Variants in PPP6R3 observed in about 807,000 individuals in gnomAD.
PPP6R3 encodes protein phosphatase 6 regulatory subunit 3.
A neutral mutation model predicts 110.7 loss-of-function variants in PPP6R3; 38 were observed. That is an observed-to-expected ratio of 0.34 (90% confidence interval 0.26 to 0.45). The LOEUF (loss-of-function observed/expected upper bound fraction) is 0.45. Ranked by LOEUF, PPP6R3 falls within the 20% of genes least tolerant of loss-of-function variation. PPP6R3 has a pLI of 1.00. For synonymous variants in PPP6R3, 369 were observed against 373.5 expected (o/e 0.99, Z 0.14); for missense variants, 870 against 1,062.4 (o/e 0.82, Z 2.52).
At chr11:68,565,327 T>C (rs781418107) in intron 9 of PPP6R3, among the ~76,000 whole-genome samples, 2 of 151,990 alleles carry the variant, frequency 1.3e-5, no homozygotes, top group Non-Finnish European at 2.9e-5. Flanking sequence ...CGTGGTTCCA[T>C]CACTGTGCTC....
At chr11:68,544,616 G>A (rs2099340384) in intron 3 of PPP6R3, among the ~76,000 whole-genome samples, 2 of 152,230 alleles carry the variant, frequency 1.3e-5, no homozygotes, top group Admixed American at 6.5e-5. Context: ...CAGGGAAAAT[G>A]TATTCTTGTT....
At chr11:68,532,494 T>G (rs1220609731) in intron 2 of PPP6R3, among the ~76,000 whole-genome samples, 4 of 152,332 alleles carry the variant, frequency 2.6e-5, no homozygotes, top group Middle Eastern at 3.4e-3. Flanking sequence ...TAGAGGGTAG[T>G]TTGGCTTTAC....
At chr11:68,595,200 ATTTTTTTTT>A (rs71043443) in intron 18 of PPP6R3, among the ~76,000 whole-genome samples, 5 of 81,180 alleles carry the variant, frequency 6.2e-5, no homozygotes, top group South Asian at 5.1e-4. Context: ...CATAAAAATA[ATTTTTTTTT>A]TTTTTTTTTT....
At chr11:68,487,567 C>CA (rs1229907000) in intron 1 of PPP6R3, among the ~76,000 whole-genome samples, 1,456 of 132,476 alleles carry the variant, frequency 0.011, 18 homozygotes, top group African/African-American at 0.031. Flanking sequence ...AAGACTGCCT[C>CA]AAAAAAAAAA....
At chr11:68,540,476 G>A (rs751380667) in intron 3 of PPP6R3, among the ~76,000 whole-genome samples, 4 of 152,176 alleles carry the variant, frequency 2.6e-5, no homozygotes, top group East Asian at 3.8e-4. Flanking sequence ...GAGGCAGGGC[G>A]AGATCACAGG....
chr11:68,549,423 T>C (rs1184298236), intron 5 of PPP6R3, among the ~76,000 whole-genome samples: 5 of 151,984 alleles, frequency 3.3e-5, no homozygotes, highest in African/African-American at 1.2e-4. Flanking sequence ...GTGTGCCAGG[T>C]GTGCATTTAT....
In PPP6R3 at chr11:68,614,515, A is replaced by G; in HGVS notation, c.*1398A>G. The G allele has an allele frequency of 1.4e-6, 2 of 1,428,462 alleles. No homozygotes were observed. The highest frequency in any genetic ancestry group is 1.8e-6 in the Non-Finnish European group (2 of 1,094,040). The allele number at this position is 1,428,462 out of a possible 1,614,324, so 88.5% of individuals were successfully genotyped here. On this transcript the variant is annotated 3_prime_UTR_variant, in exon 24 of 24. Transcript: ENST00000393800. ...AAAAGGATATTCTGAAAAATGGCCA[A>G]CAATTTTTTTAGAAGTAGCATCCCA...
At chr11:68,581,399 G>T (rs1314825687) in intron 14 of PPP6R3, among the ~76,000 whole-genome samples, 1 of 152,198 alleles carries the variant, frequency 6.6e-6, no homozygotes, top group Non-Finnish European at 1.5e-5. Flanking sequence ...TGTGAATGAG[G>T]ATACATCGAA....
chr11:68,501,350 C>T (rs1403221919), intron 1 of PPP6R3, among the ~76,000 whole-genome samples: 2 of 152,210 alleles, frequency 1.3e-5, no homozygotes, highest in Non-Finnish European at 2.9e-5. Context: ...TATTTTGAGA[C>T]AGGGTCTCAC....
intron 1 of PPP6R3, among the ~76,000 whole-genome samples, chr11:68,494,593 TA>T (rs2153452969): frequency 6.6e-6 from 1 of 152,252 alleles, no homozygotes; most frequent in Admixed American, 6.5e-5. Flanking sequence ...AATGAAAAAT[TA>T]ATAAAAAGCT....
intron 3 of PPP6R3, among the ~76,000 whole-genome samples, chr11:68,543,829 C>T (rs544926779): frequency 6.6e-6 from 1 of 152,162 alleles, no homozygotes; most frequent in South Asian, 2.1e-4. Flanking sequence ...CTAGTGAAAA[C>T]AGACACGAGA....
intron 16 of PPP6R3, among the ~76,000 whole-genome samples, chr11:68,588,799 C>T (rs1448368469): frequency 6.6e-6 from 1 of 151,772 alleles, no homozygotes; most frequent in African/African-American, 2.4e-5. Flanking sequence ...GAAGCATTCA[C>T]CTATAGGGTT....
intron 6 of PPP6R3, 75 bp downstream of exon 6, chr11:68,551,261 C>T: frequency 9.0e-7 from 1 of 1,106,990 alleles, no homozygotes; most frequent in South Asian, 1.3e-5. Context: ...ACAGAGCATA[C>T]TTATATTAAA....
intron 23 of PPP6R3, among the ~76,000 whole-genome samples, chr11:68,612,441 T>TTATA (rs1321255670): frequency 1.3e-5 from 2 of 152,088 alleles, no homozygotes; most frequent in Non-Finnish European, 2.9e-5. Context: ...CCCGAATAGG[T>TTATA]TATATATTCA....
chr11:68,546,398 G>A (rs1468117696), intron 4 of PPP6R3, among the ~76,000 whole-genome samples: 2 of 152,126 alleles, frequency 1.3e-5, no homozygotes, highest in South Asian at 2.1e-4. Context: ...CCAAGTTGGC[G>A]AGCCCCGATT....
rs78674014 is a variant in PPP6R3, at chr11:68,493,039, T to C, written c.-157-26462T>C. On this transcript the variant is annotated intron_variant, in intron 1 of 23. Coordinates refer to ENST00000393800, the MANE Select transcript of PPP6R3 (RefSeq NM_001164161.2). ...CTTTCATGGCTGAACTTACCAGGTATGTGCTAATGATGCTCATACCTACTT... is the reference window on the plus strand; with the variant it reads ...CTTTCATGGCTGAACTTACCAGGTACGTGCTAATGATGCTCATACCTACTT... Among the ~76,000 whole-genome samples, 1,088 of 152,292 alleles carry C rather than the reference T, an allele frequency of 7.1e-3. 13 individuals carry two copies. Among genetic ancestry groups the C allele is most frequent in the African/African-American group, 0.025 (1,035 of 41,544 alleles).
intron 1 of PPP6R3, among the ~76,000 whole-genome samples, chr11:68,513,626 ATC>A (rs1216055584): frequency 6.6e-6 from 1 of 152,174 alleles, no homozygotes; most frequent in Non-Finnish European, 1.5e-5. Flanking sequence ...ACTACAAGAA[ATC>A]TCTTCTGCCA....
intron 1 of PPP6R3, among the ~76,000 whole-genome samples, chr11:68,489,061 C>T (rs1217724760): frequency 6.7e-6 from 1 of 149,714 alleles, no homozygotes; most frequent in Non-Finnish European, 1.5e-5. Context: ...CTCTGTTGCA[C>T]AGGCTGGAAT....
At chr11:68,485,715 A>G (rs2098942606) in intron 1 of PPP6R3, among the ~76,000 whole-genome samples, 4 of 151,164 alleles carry the variant, frequency 2.6e-5, no homozygotes, top group Admixed American at 6.6e-5. Context: ...TTATTTTGAG[A>G]CAAGAGTCTC....
Sources: allele counts gnomAD v4.1 joint callset (sites outside exome capture counted in the v4.1 genomes callset), GRCh38; gene constraint gnomAD v4.1.1; transcripts MANE v1.5; gene names NCBI Gene and HGNC (gene_info 2026-07-23, HGNC 2026-07-21).